EDEM3: variants seen among roughly 807,000 people sequenced by gnomAD.
EDEM3 encodes the protein ER degradation-enhancing alpha-mannosidase-like protein 3.
Under a neutral mutation model 110.2 loss-of-function variants are expected in EDEM3, and 60 were observed. The observed-to-expected ratio is 0.54, with a 90% CI of 0.44 to 0.67. The LOEUF (loss-of-function observed/expected upper bound fraction) is 0.67. EDEM3 is among the 30% of genes least tolerant of loss of function. EDEM3 has a pLI of 0.00. For synonymous variants in EDEM3, 352 were observed against 382.9 expected, an observed-to-expected ratio of 0.92 and a Z score of 0.94; for missense variants, 996 against 1,121.0, an observed-to-expected ratio of 0.89 and a Z score of 1.59.
chr1:184,748,614 A>G (rs1286514280), intron 2 of EDEM3, among the ~76,000 whole-genome samples: 1 of 152,200 alleles, frequency 6.6e-6, no homozygotes, highest in African/African-American at 2.4e-5. Flanking sequence ...TTTACAATAT[A>G]AAAGAGAACG....
chr1:184,747,811 G>C (rs1358044017), intron 2 of EDEM3, among the ~76,000 whole-genome samples: 1 of 152,148 alleles, frequency 6.6e-6, no homozygotes, highest in Admixed American at 6.5e-5. Flanking sequence ...GTATTCTATA[G>C]TTAGAAAAAA....
chr1:184,722,864 G>T (rs1295672559), intron 8 of EDEM3, among the ~76,000 whole-genome samples: 2 of 151,594 alleles, frequency 1.3e-5, no homozygotes, highest in East Asian at 1.9e-4. Flanking sequence ...GCTTATCAGG[G>T]TGTTTTATAA....
At chr1:184,731,449 G>A (rs1651511842) in intron 6 of EDEM3, among the ~76,000 whole-genome samples, 1 of 152,154 alleles carries the variant, frequency 6.6e-6, no homozygotes, top group Admixed American at 6.5e-5. Flanking sequence ...TCAAGGCTCT[G>A]TTTGCACCCA....
At chr1:184,753,782 T>C (rs1463712549) in intron 1 of EDEM3, among the ~76,000 whole-genome samples, 1 of 152,242 alleles carries the variant, frequency 6.6e-6, no homozygotes, top group East Asian at 1.9e-4. Context: ...CGTTCATGCC[T>C]TTCTCCCATT....
intron 15 of EDEM3, 79 bp from the exon 16 acceptor site, chr1:184,710,626 T>A (rs767994129): frequency 7.4e-6 from 11 of 1,489,454 alleles, no homozygotes; most frequent in Non-Finnish European, 9.0e-6. Flanking sequence ...ATAAAAATAA[T>A]GTTACTTGCA....
chr1:184,752,317 G>A (rs1267934704), intron 1 of EDEM3, among the ~76,000 whole-genome samples: 1 of 152,130 alleles, frequency 6.6e-6, no homozygotes, highest in African/African-American at 2.4e-5. Flanking sequence ...TGGTGGGGAG[G>A]GAAAGGGGTG....
At chr1:184,714,204 A>C (rs1013153586) in intron 13 of EDEM3, among the ~76,000 whole-genome samples, 1 of 152,232 alleles carries the variant, frequency 6.6e-6, no homozygotes, top group Non-Finnish European at 1.5e-5. Context: ...AGAACAAGGC[A>C]TGGTAAGATA....
rs1191007264 is a variant in EDEM3 at position 184,692,572 on chromosome 1, T to G, written c.*1491A>C. 1 of 152,058 alleles carries G rather than the reference T, an allele frequency of 6.6e-6. No homozygotes were observed. The highest frequency in any genetic ancestry group is 2.4e-5 in the African/African-American group (1 of 41,432). 9.4% of individuals were successfully genotyped at this position (152,058 alleles called of 1,614,324 possible). A position where few individuals can be genotyped will look rare whatever the true frequency, so the allele number is the denominator to read the frequency against. ...CTCATCAGTACCTCACAACCGTGTT[T>G]TAGGAAAAAGTTTTGTGTAATGTTA... On this transcript the variant is annotated 3_prime_UTR_variant, in exon 20 of 20. Coordinates refer to ENST00000318130, the MANE Select transcript of EDEM3 (RefSeq NM_025191.4).
intron 1 of EDEM3, among the ~76,000 whole-genome samples, chr1:184,752,258 T>C (rs1031643671): frequency 1.3e-5 from 2 of 152,214 alleles, no homozygotes; most frequent in African/African-American, 4.8e-5. Context: ...TATTGAGCAA[T>C]TGCTTACTAT....
At chr1:184,723,433 C>A (rs1290997696) in intron 8 of EDEM3, among the ~76,000 whole-genome samples, 1 of 151,974 alleles carries the variant, frequency 6.6e-6, no homozygotes, top group Non-Finnish European at 1.5e-5. Flanking sequence ...AACCCATATT[C>A]TTACTAAACC....
intron 1 of EDEM3, among the ~76,000 whole-genome samples, chr1:184,753,687 G>C (rs900589365): frequency 2.0e-5 from 3 of 152,084 alleles, no homozygotes; most frequent in Non-Finnish European, 4.4e-5. Flanking sequence ...CTAGCTCCTC[G>C]TTTTAATCTG....
rs1169847186 is a variant in EDEM3 at position 184,691,851 on chromosome 1, C to T, written c.*2212G>A. Reference sequence around the variant, plus strand: ...TTCCTTTTCTTTTTTTAAGGATTTACTTTTCTTAACAAGTGAACAATTTGC... The same window carrying T: ...TTCCTTTTCTTTTTTTAAGGATTTATTTTTCTTAACAAGTGAACAATTTGC... On this transcript the variant is annotated 3_prime_UTR_variant, in exon 20 of 20. Transcript: ENST00000318130. The T allele has an allele frequency of 6.6e-6, 1 of 151,794 alleles. No homozygotes were observed. The highest frequency in any genetic ancestry group is 2.4e-5 in the African/African-American group (1 of 41,338). 9.4% of individuals were successfully genotyped at this position (151,794 alleles called of 1,614,324 possible).
Position 184,694,396 on chromosome 1 carries a change from T to C in EDEM3, c.2466A>G (p.Ser822=). The stretch of plus-strand genomic sequence containing the variant: ...CAACCAAATCAACCTCCTGAGAACT[T>C]GATGAAATCTGTTCACCACTCTGAT... ...SQNQSGEQIS[S]SSQEVDLVDQ... is the part of the protein sequence containing the mutation. Residue 822 remains serine (S), a synonymous_variant, in exon 20 of 20, where the codon TCA becomes TCG. Coordinates refer to ENST00000318130, the MANE Select transcript of EDEM3 (RefSeq NM_025191.4). 1 of 1,612,280 alleles carries C rather than the reference T, an allele frequency of 6.2e-7. No homozygotes were observed. The highest frequency in any genetic ancestry group is 1.1e-5 in the South Asian group (1 of 91,022).
rs906647368 is a variant in EDEM3, at chr1:184,754,725, T to C, written c.-79A>G. 1 of 1,430,892 alleles carries C rather than the reference T, an allele frequency of 7.0e-7. No individual in the cohort carries two copies. Among genetic ancestry groups the C allele is most frequent in the Non-Finnish European group, 9.1e-7 (1 of 1,099,174 alleles). 88.6% of individuals were successfully genotyped at this position (1,430,892 alleles called of 1,614,324 possible). A position where few individuals can be genotyped will look rare whatever the true frequency, so the allele number is the denominator to read the frequency against. ...TGCTGGACGCTGGTGGCCAGGGGGCTGCTAGCCGTGCCGAGACGGGGCGGG... is the reference window on the plus strand; with the variant it reads ...TGCTGGACGCTGGTGGCCAGGGGGCCGCTAGCCGTGCCGAGACGGGGCGGG... On this transcript the variant is annotated 5_prime_UTR_variant, in exon 1 of 20. Coordinates refer to ENST00000318130, the MANE Select transcript of EDEM3 (RefSeq NM_025191.4).
chr1:184,747,826 T>C (rs1299393689), intron 2 of EDEM3, among the ~76,000 whole-genome samples: 1 of 152,238 alleles, frequency 6.6e-6, no homozygotes, highest in South Asian at 2.1e-4. Flanking sequence ...AAAAAATGTA[T>C]TGATATAACT....
intron 11 of EDEM3, 63 bp downstream of exon 11, chr1:184,719,099 T>C: frequency 1.1e-6 from 1 of 928,122 alleles, no homozygotes; most frequent in Non-Finnish European, 1.6e-6. Context: ...AGTGTATATG[T>C]GTACGTGTGT....
At chr1:184,743,452 A>T (rs1358324945) in intron 2 of EDEM3, among the ~76,000 whole-genome samples, 1 of 152,110 alleles carries the variant, frequency 6.6e-6, no homozygotes, top group Non-Finnish European at 1.5e-5. Flanking sequence ...ATTAAGTAGA[A>T]CATGTGCCTA....
chr1:184,750,464 G>C (rs538411265), intron 1 of EDEM3, among the ~76,000 whole-genome samples: 3 of 152,034 alleles, frequency 2.0e-5, no homozygotes, highest in East Asian at 3.9e-4. Context: ...GACCAGACAA[G>C]GCCAAATAAT....
At chr1:184,713,437 T>C (rs539291065) in intron 13 of EDEM3, among the ~76,000 whole-genome samples, 10 of 152,338 alleles carry the variant, frequency 6.6e-5, no homozygotes, top group African/African-American at 9.6e-5. Context: ...GTTTTAACAA[T>C]TTAAGAAAAG....
Sources: allele counts gnomAD v4.1 joint callset (sites outside exome capture counted in the v4.1 genomes callset), GRCh38; gene constraint gnomAD v4.1.1; transcripts MANE v1.5; gene names NCBI Gene and HGNC (gene_info 2026-07-23, HGNC 2026-07-21).